The following ITM2B variants were observed in gnomAD, a reference collection of about 807,000 sequenced individuals.
ITM2B encodes integral membrane protein 2B.
A neutral mutation model predicts 27.8 loss-of-function variants in ITM2B; 11 were observed. That is an observed-to-expected ratio of 0.40 (90% CI 0.25 to 0.66). The LOEUF is 0.66. ITM2B is among the 30% of genes least tolerant of loss of function. The pLI is 0.43. For synonymous variants in ITM2B, 114 were observed against 114.3 expected, an observed-to-expected ratio of 1.00 and a Z score of 0.02; for missense variants, 296 against 328.9, an observed-to-expected ratio of 0.90 and a Z score of 0.77.
At position 48,256,348 on chromosome 13, in the gene ITM2B, A is replaced by C; in HGVS notation, c.418A>C (p.Ser140Arg). ...TGTGCCTGTCCCAGAGTTTGCAGATAGTGATCCTGCCAACATTGTTCATGA... is the reference window on the plus strand; with the variant it reads ...TGTGCCTGTCCCAGAGTTTGCAGATCGTGATCCTGCCAACATTGTTCATGA... ...ISVPVPEFAD[S>R]DPANIVHDFN... is the part of the protein sequence containing the mutation. Residue 140 changes from serine to arginine, a missense_variant, in exon 3 of 6, where the codon AGT becomes CGT. By Grantham distance (110) the Ser-to-Arg change is moderately radical. Transcript: ENST00000647800. 6.2e-7 allele frequency: 1 copy of C among 1,614,002 alleles called. No individual in the cohort carries two copies. The highest frequency in any genetic ancestry group is 8.5e-7 in the Non-Finnish European group (1 of 1,179,876).
chr13:48,251,769 T>TC (rs1951757429), intron 1 of ITM2B, among the ~76,000 whole-genome samples: 3 of 151,984 alleles, frequency 2.0e-5, no homozygotes, highest in Admixed American at 6.6e-5. Context: ...GTCATTTTCA[T>TC]CCCCCCCACT....
In ITM2B at chr13:48,261,419, T is replaced by C. The variant is rs1593397859; in HGVS notation, c.*195T>C. 1 of 515,182 alleles carries C rather than the reference T, an allele frequency of 1.9e-6. No homozygotes were observed. The allele number at this position is 515,182 out of a possible 1,614,324, so 31.9% of individuals were successfully genotyped here. A position where few individuals can be genotyped will look rare whatever the true frequency, so the allele number is the denominator to read the frequency against. ...TTCTTTCGAAGTGTGGTGTCTTTTA[T>C]ATTTGAATTAGTAACTGTATGAAGT... On this transcript the variant is annotated 3_prime_UTR_variant, in exon 6 of 6. Transcript: ENST00000647800.
At chr13:48,243,859 TAAAA>T (rs928344881) in intron 1 of ITM2B, among the ~76,000 whole-genome samples, 1 of 151,738 alleles carries the variant, frequency 6.6e-6, no homozygotes, top group African/African-American at 2.4e-5. Context: ...ATATATTTAA[TAAAA>T]AAAATCAGGC....
In ITM2B at chr13:48,266,564, T is replaced by C. The variant is rs540134611; in HGVS notation, c.*5340T>C. The C allele has an allele frequency of 6.6e-6, 1 of 152,238 alleles. No homozygotes were observed. The highest frequency in any genetic ancestry group is 2.4e-5 in the African/African-American group (1 of 41,546). 9.4% of individuals were successfully genotyped at this position (152,238 alleles called of 1,614,324 possible). ...GGAAGGAATAAACATCTGGTAACTA[T>C]AGCTAGAAAAAAAGGAAATACGGTA... On this transcript the variant is annotated 3_prime_UTR_variant, in exon 6 of 6. Transcript: ENST00000647800.
chr13:48,263,075 T>G lies in ITM2B; in HGVS notation c.*1851T>G, dbSNP rs1047409057. 6.6e-6 allele frequency: 1 copy of G among 152,220 alleles called. No homozygotes were observed. Among genetic ancestry groups the G allele is most frequent in the African/African-American group, 2.4e-5 (1 of 41,458 alleles). 9.4% of individuals were successfully genotyped at this position (152,220 alleles called of 1,614,324 possible). On this transcript the variant is annotated 3_prime_UTR_variant, in exon 6 of 6. Transcript: ENST00000647800. Reference sequence around the variant, plus strand: ...AATATGCTTTCATCACAGTCCAGTATGGCAGGCAACCTCCAGACTCCCAGG... The same window carrying G: ...AATATGCTTTCATCACAGTCCAGTAGGGCAGGCAACCTCCAGACTCCCAGG...
chr13:48,251,383 T>C (rs1951755419), intron 1 of ITM2B, among the ~76,000 whole-genome samples: 1 of 152,238 alleles, frequency 6.6e-6, no homozygotes, highest in Non-Finnish European at 1.5e-5. Context: ...CTCTGTGCAT[T>C]TTCCTATTAG....
intron 1 of ITM2B, among the ~76,000 whole-genome samples, chr13:48,235,734 C>G (rs1017834956): frequency 1.3e-5 from 2 of 152,124 alleles, no homozygotes; most frequent in African/African-American, 4.8e-5. Flanking sequence ...TGTGTTTTGC[C>G]GAGGGCATTT....
At chr13:48,243,430 AT>A (rs1006285996) in intron 1 of ITM2B, among the ~76,000 whole-genome samples, 6 of 152,202 alleles carry the variant, frequency 3.9e-5, no homozygotes, top group African/African-American at 1.2e-4. Flanking sequence ...AGCCCTATTA[AT>A]TTTGACAACA....
At chr13:48,246,096 G>A (rs1270997869) in intron 1 of ITM2B, among the ~76,000 whole-genome samples, 1 of 152,104 alleles carries the variant, frequency 6.6e-6, no homozygotes, top group Non-Finnish European at 1.5e-5. Flanking sequence ...CCTTTTTAAA[G>A]CCTTCCCCTG....
At chr13:48,249,515 T>G (rs570194216) in intron 1 of ITM2B, among the ~76,000 whole-genome samples, 149 of 152,352 alleles carry the variant, frequency 9.8e-4, no homozygotes, top group African/African-American at 3.3e-3. Context: ...CTAATTAGTT[T>G]AAATAATTTG....
intron 1 of ITM2B, 21 bp from the exon 2 acceptor site, chr13:48,253,787 A>C: frequency 1.2e-6 from 2 of 1,611,414 alleles, no homozygotes; most frequent in African/African-American, 1.3e-5. Context: ...AAGATATTTA[A>C]CTGTCTTTTT....
At position 48,267,892 on chromosome 13, in the gene ITM2B, C is replaced by G. The variant is rs993256022; in HGVS notation, c.*6668C>G. 5.9e-5 allele frequency: 9 copies of G among 152,094 alleles called. No homozygotes were observed. The highest frequency in any genetic ancestry group is 1.3e-4 in the Admixed American group (2 of 15,264). 9.4% of individuals were successfully genotyped at this position (152,094 alleles called of 1,614,324 possible). On this transcript the variant is annotated 3_prime_UTR_variant, in exon 6 of 6. Coordinates refer to ENST00000647800, the MANE Select transcript of ITM2B (RefSeq NM_021999.5). ...GGGCTTGAAGTAACCCTTCAGTTTG[C>G]TCATATTTTGTTGTGAGTTTTATAG...
intron 1 of ITM2B, 124 bp downstream of exon 1, chr13:48,233,601 G>T: frequency 1.9e-6 from 1 of 529,956 alleles, no homozygotes. Context: ...ACAAGTCCCC[G>T]AGAGAGCCCG....
chr13:48,237,859 T>C (rs1303274511), intron 1 of ITM2B, among the ~76,000 whole-genome samples: 2 of 152,238 alleles, frequency 1.3e-5, no homozygotes, highest in Non-Finnish European at 2.9e-5. Flanking sequence ...CTAAAGCTTC[T>C]TGTACTGCTT....
At position 48,243,381 on chromosome 13, in the gene ITM2B, T is replaced by C. The variant is rs150157355; in HGVS notation, c.117+9904T>C. 5.2e-5 allele frequency among the ~76,000 whole-genome samples: 8 copies of C among 152,384 alleles called. No homozygotes were observed. The East Asian group carries it at 1.5e-3, about 29-fold the overall frequency. On this transcript the variant is annotated intron_variant, in intron 1 of 5. Transcript: ENST00000647800. ...CACATGTATGTGATTTTAATACTTTTTGCTACCATCCTTTGTAATTTGTTG... is the reference window on the plus strand; with the variant it reads ...CACATGTATGTGATTTTAATACTTTCTGCTACCATCCTTTGTAATTTGTTG...
At chr13:48,248,201 T>C (rs977631025) in intron 1 of ITM2B, among the ~76,000 whole-genome samples, 2 of 152,176 alleles carry the variant, frequency 1.3e-5, no homozygotes, top group Non-Finnish European at 2.9e-5. Flanking sequence ...TACTTAAATA[T>C]GTGGTGTTAT....
chr13:48,255,230 AGTG>A lies in ITM2B; in HGVS notation c.247-946_247-944del, dbSNP rs1242419343. Among the ~76,000 whole-genome samples, 5 of 149,704 alleles carry A rather than the reference AGTG, an allele frequency of 3.3e-5. No homozygotes were observed. The East Asian group carries it at 7.9e-4, about 24-fold the overall frequency. On this transcript the variant is annotated intron_variant, in intron 2 of 5. Transcript: ENST00000647800. The stretch of plus-strand genomic sequence containing the variant: ...TCTTTATTGTGTGTGTAGTGTGTGT[AGTG>A]TGTGTGTGTGTGTGTGTGTGTGCGC...
chr13:48,239,140 G>C (rs1593388174), intron 1 of ITM2B, among the ~76,000 whole-genome samples: 1 of 152,140 alleles, frequency 6.6e-6, no homozygotes, highest in East Asian at 1.9e-4. Flanking sequence ...TGCATTATCA[G>C]TTTTCAGTTT....
intron 1 of ITM2B, among the ~76,000 whole-genome samples, chr13:48,234,861 A>G (rs1274164305): frequency 3.3e-5 from 5 of 152,244 alleles, no homozygotes; most frequent in Non-Finnish European, 4.4e-5. Flanking sequence ...CTTGGTCTTT[A>G]AAGAAAATGT....
Sources: allele counts gnomAD v4.1 joint callset (sites outside exome capture counted in the v4.1 genomes callset), GRCh38; gene constraint gnomAD v4.1.1; transcripts MANE v1.5; gene names NCBI Gene and HGNC (gene_info 2026-07-23, HGNC 2026-07-21).